Variants in NEBL observed in about 807,000 individuals in gnomAD.
NEBL encodes LIM and SH3 protein 2.
A neutral mutation model predicts 140.2 loss-of-function variants in NEBL; 122 were observed. The ratio of observed to expected loss-of-function variants is 0.87; its 90% CI spans 0.75 to 1.01. The LOEUF (loss-of-function observed/expected upper bound fraction) is 1.01, where lower values mean the gene tolerates loss of function less well. NEBL is among the 50% of genes least tolerant of loss of function. The probability of loss-of-function intolerance (pLI) is 0.00; values close to 1 mark genes in which losing one functional copy is unlikely to be tolerated. For missense variants in NEBL, 1,365 were observed against 1,231.3 expected, an observed-to-expected ratio of 1.11 and a Z score of -1.62; for synonymous variants, 436 against 398.9, an observed-to-expected ratio of 1.09 and a Z score of -1.11.
rs1204214844 is a variant in NEBL, at chr10:20,845,108, G to A, written c.1227+150C>T. On this transcript the variant is annotated intron_variant, in intron 12 of 27. Transcript: ENST00000377122. ...ACACTTTCTTGTTTCTAATGAAAAT[G>A]CAACACTTTATTAGTGAAGATCAAA... 5 of 560,020 alleles carry A rather than the reference G, an allele frequency of 8.9e-6. No homozygotes were observed. In the African/African-American group the frequency reaches 9.5e-5, roughly 11 times the overall value. 34.7% of individuals were successfully genotyped at this position (560,020 alleles called of 1,614,324 possible).
intron 2 of NEBL, among the ~76,000 whole-genome samples, chr10:21,122,173 C>T (rs1399126606): frequency 6.6e-6 from 1 of 152,060 alleles, no homozygotes; most frequent in African/African-American, 2.4e-5. Context: ...TTACAGGCAC[C>T]TACCACCATG....
intron 1 of NEBL, among the ~76,000 whole-genome samples, chr10:21,269,670 G>A (rs1381721730): frequency 1.3e-5 from 2 of 152,178 alleles, no homozygotes; most frequent in Non-Finnish European, 2.9e-5. Flanking sequence ...GAATATAATT[G>A]CATCAGGCTG....
chr10:20,897,455 T>A, upstream of NEBL: 1 of 1,209,388 alleles, frequency 8.3e-7, no homozygotes, highest in South Asian at 3.0e-5. Context: ...AATTTGATTT[T>A]ATGAACTTTT....
At chr10:20,937,619 C>T (rs573387690) in intron 4 of NEBL, among the ~76,000 whole-genome samples, 37 of 152,202 alleles carry the variant, frequency 2.4e-4, no homozygotes, top group Admixed American at 4.6e-4. Flanking sequence ...GTGCACCAAG[C>T]GTGAGCTGAA....
chr10:21,082,761 A>ATTTTTTTTTTTTTTT (rs71392113), intron 2 of NEBL, among the ~76,000 whole-genome samples: 2 of 109,548 alleles, frequency 1.8e-5, no homozygotes, highest in Non-Finnish European at 3.6e-5. Context: ...GGAGGGATGC[A>ATTTTTTTTTTTTTTT]TTTTTTTTTT....
At chr10:21,015,021 G>A (rs1378138202) in intron 3 of NEBL, among the ~76,000 whole-genome samples, 1 of 151,952 alleles carries the variant, frequency 6.6e-6, no homozygotes, top group East Asian at 1.9e-4. Context: ...CATCGTATCT[G>A]CCCTCATAAA....
intron 16 of NEBL, among the ~76,000 whole-genome samples, chr10:20,830,199 G>A (rs998569801): frequency 5.9e-5 from 9 of 152,180 alleles, no homozygotes; most frequent in African/African-American, 2.2e-4. Flanking sequence ...GATGGTTAAT[G>A]TCCTTGCTTA....
intron 3 of NEBL, among the ~76,000 whole-genome samples, chr10:20,964,534 C>G (rs1358436007): frequency 1.3e-5 from 2 of 152,056 alleles, no homozygotes; most frequent in South Asian, 2.1e-4. Flanking sequence ...TAAACCAGCT[C>G]TCACGTGAAC....
chr10:21,067,508 A>G (rs1209314148), intron 2 of NEBL, among the ~76,000 whole-genome samples: 1 of 152,226 alleles, frequency 6.6e-6, no homozygotes, highest in African/African-American at 2.4e-5. Flanking sequence ...GGGAACAAGT[A>G]AGAGAAACAG....
intron 2 of NEBL, among the ~76,000 whole-genome samples, chr10:21,131,049 A>G (rs1839080337): frequency 6.6e-6 from 1 of 152,160 alleles, no homozygotes; most frequent in Admixed American, 6.5e-5. Context: ...CATAAATGAA[A>G]GAGGGGCCAT....
In NEBL at chr10:20,780,252, T is replaced by C. The variant is rs1462715026; in HGVS notation, c.*5495A>G. The C allele has an allele frequency of 1.3e-5, 2 of 152,220 alleles. No homozygotes were observed. Among genetic ancestry groups the C allele is most frequent in the Non-Finnish European group, 1.5e-5 (1 of 68,036 alleles). 9.4% of individuals were successfully genotyped at this position (152,220 alleles called of 1,614,324 possible). A position where few individuals can be genotyped will look rare whatever the true frequency, so the allele number is the denominator to read the frequency against. ...ATTTTATGTACTCAATTTGTGCACT[T>C]TCTATTCTATGCTCCAAACCATTTC... On this transcript the variant is annotated 3_prime_UTR_variant, in exon 28 of 28. Transcript: ENST00000377122.
chr10:21,104,387 C>T (rs569115299), intron 2 of NEBL, among the ~76,000 whole-genome samples: 1 of 152,128 alleles, frequency 6.6e-6, no homozygotes, highest in South Asian at 2.1e-4. Flanking sequence ...CCCCATTTCA[C>T]TAGGCCTTAT....
chr10:20,822,751 A>C (rs1839463541), intron 19 of NEBL, among the ~76,000 whole-genome samples: 1 of 152,130 alleles, frequency 6.6e-6, no homozygotes, highest in Non-Finnish European at 1.5e-5. Flanking sequence ...ACAAAAAAGA[A>C]AATATCAATA....
At chr10:21,022,419 C>T (rs945234422) in intron 2 of NEBL, among the ~76,000 whole-genome samples, 41 of 152,114 alleles carry the variant, frequency 2.7e-4, no homozygotes, top group Admixed American at 2.0e-4. Context: ...CTAGCACTTG[C>T]GAAATAAAGA....
intron 3 of NEBL, among the ~76,000 whole-genome samples, chr10:21,195,849 A>T (rs757470855): frequency 2.0e-5 from 3 of 152,214 alleles, no homozygotes; most frequent in Non-Finnish European, 4.4e-5. Context: ...TTTGATATTA[A>T]TTACAAGCAC....
At chr10:21,111,281 G>A (rs1428123787) in intron 2 of NEBL, among the ~76,000 whole-genome samples, 1 of 152,108 alleles carries the variant, frequency 6.6e-6, no homozygotes, top group South Asian at 2.1e-4. Context: ...AGCCCACAGA[G>A]CCAAGATAAT....
At chr10:21,083,041 C>T (rs758185535) in intron 2 of NEBL, among the ~76,000 whole-genome samples, 28 of 152,244 alleles carry the variant, frequency 1.8e-4, no homozygotes, top group African/African-American at 4.3e-4. Context: ...GGATTACAGG[C>T]GTAAGCCAGC....
intron 2 of NEBL, among the ~76,000 whole-genome samples, chr10:21,063,412 A>G (rs1835389099): frequency 6.6e-6 from 1 of 152,232 alleles, no homozygotes; most frequent in African/African-American, 2.4e-5. Flanking sequence ...CTACTATTTG[A>G]GACTCACATT....
intron 5 of NEBL, among the ~76,000 whole-genome samples, chr10:20,871,993 G>A (rs890545556): frequency 1.3e-5 from 2 of 152,070 alleles, no homozygotes; most frequent in East Asian, 3.9e-4. Context: ...AAGACTAACT[G>A]TTTCTAAGTT....
Sources: allele counts gnomAD v4.1 joint callset (sites outside exome capture counted in the v4.1 genomes callset), GRCh38; gene constraint gnomAD v4.1.1; transcripts MANE v1.5; gene names NCBI Gene and HGNC (gene_info 2026-07-23, HGNC 2026-07-21).